SLC22A25: variants seen among roughly 807,000 people sequenced by gnomAD.
SLC22A25 encodes solute carrier family 22 member 25.
In SLC22A25, 44 loss-of-function variants were observed where a neutral mutation model predicts 45.9. The ratio of observed to expected loss-of-function variants is 0.96; its 90% CI spans 0.75 to 1.23. SLC22A25 has a LOEUF of 1.23. SLC22A25 is among the 50% of genes most tolerant of loss of function. The probability of loss-of-function intolerance (pLI) is 0.00; values close to 1 mark genes in which losing one functional copy is unlikely to be tolerated. For missense variants in SLC22A25, 800 were observed against 666.4 expected, an observed-to-expected ratio of 1.20 and a Z score of -2.21; for synonymous variants, 283 against 238.6, an observed-to-expected ratio of 1.19 and a Z score of -1.72.
In SLC22A25 at chr11:63,175,385, T is replaced by C. The variant is rs925632965; in HGVS notation, c.1070+5275A>G. Among the ~76,000 whole-genome samples, 5 of 152,258 alleles carry C rather than the reference T, an allele frequency of 3.3e-5. No homozygotes were observed. The East Asian group carries it at 5.8e-4, about 18-fold the overall frequency. ...CTAGTGATTTTGAGCACATTTTCCA[T>C]TGGCCATTTGTATGGCTTCTTTGGA... On this transcript the variant is annotated intron_variant, in intron 9 of 11. Coordinates refer to ENST00000306494, the MANE Select transcript of SLC22A25 (RefSeq NM_199352.6).
intron 8 of SLC22A25, among the ~76,000 whole-genome samples, chr11:63,181,189 T>G (rs1223852156): frequency 6.6e-6 from 1 of 152,124 alleles, no homozygotes; most frequent in Non-Finnish European, 1.5e-5. Flanking sequence ...AGGAAAGAGA[T>G]AAATTTCCTG....
At chr11:63,172,104 GAA>G (rs1211293986) in intron 9 of SLC22A25, among the ~76,000 whole-genome samples, 1 of 152,268 alleles carries the variant, frequency 6.6e-6, no homozygotes, top group African/African-American at 2.4e-5. Flanking sequence ...GCAGAAAACT[GAA>G]ACTGGACCCC....
chr11:63,185,528 A>G (rs866836493), intron 7 of SLC22A25, among the ~76,000 whole-genome samples: 1 of 146,764 alleles, frequency 6.8e-6, no homozygotes, highest in South Asian at 2.1e-4. Flanking sequence ...TTCTTTTTTT[A>G]TTTTTATTTT....
At chr11:63,188,361 A>G (rs2088649531) in intron 7 of SLC22A25, among the ~76,000 whole-genome samples, 1 of 152,156 alleles carries the variant, frequency 6.6e-6, no homozygotes, top group South Asian at 2.1e-4. Context: ...GTCTGATGGT[A>G]GTTTGTATTT....
In SLC22A25 at chr11:63,238,772, A is replaced by G; in HGVS notation, c.-632T>C. On this transcript the variant is annotated 5_prime_UTR_variant, in exon 2 of 12. Transcript: ENST00000306494. The stretch of plus-strand genomic sequence containing the variant: ...CTGTTGTACACCCTGCTGTCCACAC[A>G]CGGTTCCATGTCTGGTTCATTCATA... The G allele has an allele frequency of 8.9e-6, 2 of 224,256 alleles. No individual in the cohort carries two copies. The highest frequency in any genetic ancestry group is 8.4e-5 in the South Asian group (1 of 11,866). The allele number at this position is 224,256 out of a possible 1,614,324, so 13.9% of individuals were successfully genotyped here. A position where few individuals can be genotyped will look rare whatever the true frequency, so the allele number is the denominator to read the frequency against.
chr11:63,178,240 A>G (rs1477823257), intron 9 of SLC22A25, among the ~76,000 whole-genome samples: 1 of 152,038 alleles, frequency 6.6e-6, no homozygotes, highest in Non-Finnish European at 1.5e-5. Context: ...TTAGGTTGAT[A>G]CCATATCTTG....
At chr11:63,212,768 G>A (rs1034528677) in intron 7 of SLC22A25, among the ~76,000 whole-genome samples, 2 of 150,964 alleles carry the variant, frequency 1.3e-5, no homozygotes, top group Admixed American at 6.6e-5. Context: ...AAACCTTCAC[G>A]TTGTGTACAT....
At position 63,229,580 on chromosome 11, in the gene SLC22A25, T is replaced by C. The variant is rs764390249; in HGVS notation, c.73A>G (p.Ile25Val). The change falls in exon 4 of 12, where the codon ATA becomes GTA. Residue 25 changes from isoleucine (I) to valine (V), a missense_variant. By Grantham distance (29) the Ile-to-Val change is conservative. Transcript: ENST00000306494. ...RFQILQMVFLIMFNVIVYHQT... is the reference protein window; with the variant it reads ...RFQILQMVFLVMFNVIVYHQT... ...TGGTATACTATGACGTTGAACATTA[T>C]AAGGAAAACCATCTGAAGGATCTGG... The C allele has an allele frequency of 2.5e-6, 4 of 1,613,840 alleles. No individual in the cohort carries two copies. The highest frequency in any genetic ancestry group is 2.7e-5 in the African/African-American group (2 of 74,892).
At chr11:63,213,982 G>T (rs1331899353) in intron 7 of SLC22A25, among the ~76,000 whole-genome samples, 15 of 152,136 alleles carry the variant, frequency 9.9e-5, no homozygotes. Flanking sequence ...GGAGTACATG[G>T]AAAATTTAAT....
At chr11:63,174,825 A>G (rs2088027550) in intron 9 of SLC22A25, among the ~76,000 whole-genome samples, 1 of 152,040 alleles carries the variant, frequency 6.6e-6, no homozygotes, top group Non-Finnish European at 1.5e-5. Flanking sequence ...GGAAACTATG[A>G]TTCTACTTTC....
At chr11:63,165,302 G>GT (rs372366143) in intron 10 of SLC22A25, among the ~76,000 whole-genome samples, 55,158 of 151,982 alleles carry the variant, frequency 0.36, 10,332 homozygotes, top group East Asian at 0.56. Flanking sequence ...GCACCAGACT[G>GT]GTATCACTGC....
At position 63,163,824 on chromosome 11, in the gene SLC22A25, C is replaced by G. The variant is rs2087581398; in HGVS notation, c.1644G>C (p.Ter548TyrextTer41). ...GTGTTTTGCTTTCCTCAGCACAGAC[C>G]TATAGCACAGAGCTCCTCTGAGGGG... ...LAAPQRSSVL* is the reference protein window; with the variant it reads ...LAAPQRSSVLY The change falls in exon 12 of 12, where the codon TAG (stop) becomes TAC (tyrosine). Residue 548 changes from the stop codon to tyrosine, a stop_lost. Transcript: ENST00000306494. The G allele has an allele frequency of 6.2e-7, 1 of 1,611,766 alleles. No individual in the cohort carries two copies. The highest frequency in any genetic ancestry group is 8.5e-7 in the Non-Finnish European group (1 of 1,178,764).
At chr11:63,242,715 G>A (rs1425848377) in intron 1 of SLC22A25, among the ~76,000 whole-genome samples, 1 of 152,196 alleles carries the variant, frequency 6.6e-6, no homozygotes, top group East Asian at 1.9e-4. Context: ...ATCTGATCAA[G>A]TTGACACTCA....
chr11:63,239,400 T>A (rs972789485), intron 1 of SLC22A25, among the ~76,000 whole-genome samples: 1 of 152,240 alleles, frequency 6.6e-6, no homozygotes, highest in Non-Finnish European at 1.5e-5. Flanking sequence ...TGTGAAAATT[T>A]ATGTTATCAG....
chr11:63,195,160 C>A (rs1565091532), intron 7 of SLC22A25, among the ~76,000 whole-genome samples: 1 of 152,066 alleles, frequency 6.6e-6, no homozygotes, highest in Non-Finnish European at 1.5e-5. Context: ...TAATGGGAGA[C>A]TTTAACACCC....
At chr11:63,208,480 G>C (rs1323843650) in intron 7 of SLC22A25, among the ~76,000 whole-genome samples, 1 of 152,202 alleles carries the variant, frequency 6.6e-6, no homozygotes, top group Admixed American at 6.5e-5. Context: ...CAGGAACTGG[G>C]AGTGTGTGCG....
chr11:63,180,423 C>A lies in SLC22A25; in HGVS notation c.1070+237G>T, dbSNP rs112026071. On this transcript the variant is annotated intron_variant, in intron 9 of 11. Coordinates refer to ENST00000306494, the MANE Select transcript of SLC22A25 (RefSeq NM_199352.6). ...CCTATACTATAATTGAAGTTCTTAGCATAAGTCTCCACTGATGAGCCTGGT... is the reference window on the plus strand; with the variant it reads ...CCTATACTATAATTGAAGTTCTTAGAATAAGTCTCCACTGATGAGCCTGGT... Among the ~76,000 whole-genome samples, 1,092 of 152,260 alleles carry A rather than the reference C, an allele frequency of 7.2e-3. 10 individuals are homozygous for A. Among genetic ancestry groups the A allele is most frequent in the African/African-American group, 0.024 (1,002 of 41,564 alleles).
At position 63,183,785 on chromosome 11, in the gene SLC22A25, A is replaced by G. The variant is rs775200031; in HGVS notation, c.863T>C (p.Ile288Thr). ...TAAGCCCTCTTCTGGTTTGTTGTTG[A>G]TAATGAGCCACCGAGCAGACTCTGC... ...WLAESARWLI[I>T]NNKPEEGLKE... is the part of the protein sequence containing the mutation. Residue 288 changes from isoleucine to threonine, a missense_variant, in exon 8 of 12, where the codon ATC (isoleucine) becomes ACC (threonine). Ile to Thr is a moderately conservative substitution (Grantham distance 89, BLOSUM62 -1). Transcript: ENST00000306494. 4.3e-6 allele frequency: 7 copies of G among 1,613,118 alleles called. No individual in the cohort carries two copies. In the East Asian group the frequency reaches 1.3e-4, roughly 31 times the overall value.
intron 7 of SLC22A25, among the ~76,000 whole-genome samples, chr11:63,204,210 A>C (rs1043426855): frequency 7.2e-5 from 11 of 152,236 alleles, no homozygotes; most frequent in South Asian, 4.1e-4. Context: ...AAACATACCA[A>C]ATTGTAAAGA....
Sources: gnomAD v4.1 joint callset for allele counts (sites outside exome capture counted in the v4.1 genomes callset) on GRCh38, gnomAD v4.1.1 for gene constraint, MANE v1.5 for transcripts, NCBI Gene and HGNC (gene_info 2026-07-23, HGNC 2026-07-21) for gene names.